Variants in PRKG1 observed in about 807,000 individuals in gnomAD.
The protein encoded by PRKG1 is protein kinase cGMP-dependent 1, also known as cGMP-dependent protein kinase 1.
In PRKG1, 35 loss-of-function variants were observed where a neutral mutation model predicts 88.1. The observed-to-expected ratio is 0.40, with a 90% confidence interval of 0.30 to 0.53. PRKG1 has a LOEUF of 0.53. PRKG1 is among the 20% of genes least tolerant of loss of function. The pLI is 0.59. For synonymous variants in PRKG1, 303 were observed against 292.5 expected (o/e 1.04, Z -0.37); for missense variants, 540 against 839.8 (o/e 0.64, Z 4.41).
At chr10:52,126,238 C>T (rs940385943) in intron 7 of PRKG1, among the ~76,000 whole-genome samples, 4 of 151,978 alleles carry the variant, frequency 2.6e-5, no homozygotes, top group Non-Finnish European at 5.9e-5. Flanking sequence ...TCTGTCTCCA[C>T]TAGACTGCAA....
At chr10:51,280,745 T>G (rs577971665) in intron 2 of PRKG1, among the ~76,000 whole-genome samples, 1 of 152,336 alleles carries the variant, frequency 6.6e-6, no homozygotes, top group East Asian at 1.9e-4. Context: ...TCTACACTGG[T>G]TATTCTAGTT....
intron 1 of PRKG1, among the ~76,000 whole-genome samples, chr10:51,003,343 G>A (rs866667056): frequency 6.6e-6 from 1 of 152,306 alleles, no homozygotes. Context: ...TTTGAAGCAT[G>A]CTACATTGAA....
chr10:52,032,887 AGT>A (rs1251975841), intron 5 of PRKG1, among the ~76,000 whole-genome samples: 4 of 152,126 alleles, frequency 2.6e-5, no homozygotes, highest in African/African-American at 9.7e-5. Context: ...TCTTTTTAGT[AGT>A]GTGTGTCTGC....
At chr10:51,070,691 G>T (rs971403069), upstream of PRKG1, among the ~76,000 whole-genome samples, 9 of 152,152 alleles carry the variant, frequency 5.9e-5, no homozygotes, top group Non-Finnish European at 1.2e-4. Flanking sequence ...TATTGGAATA[G>T]CTCATTAAAT....
intron 4 of PRKG1, among the ~76,000 whole-genome samples, chr10:51,856,401 G>T (rs1840680436): frequency 6.6e-6 from 1 of 152,156 alleles, no homozygotes; most frequent in Non-Finnish European, 1.5e-5. Flanking sequence ...ACAAATATTT[G>T]TTGCTATTCA....
At chr10:51,331,079 A>C (rs1412294273) in intron 2 of PRKG1, among the ~76,000 whole-genome samples, 1 of 152,144 alleles carries the variant, frequency 6.6e-6, no homozygotes, top group Admixed American at 6.6e-5. Flanking sequence ...TCATTCAAAA[A>C]GCCTGTGGCT....
intron 3 of PRKG1, among the ~76,000 whole-genome samples, chr10:51,726,815 C>T (rs547546507): frequency 1.1e-3 from 172 of 152,226 alleles, no homozygotes; most frequent in Non-Finnish European, 1.5e-3. Flanking sequence ...CTCGCTCTGT[C>T]GCCCAGGCTG....
At chr10:51,031,420 A>G (rs1202232275) in intron 1 of PRKG1, among the ~76,000 whole-genome samples, 1 of 152,174 alleles carries the variant, frequency 6.6e-6, no homozygotes, top group African/African-American at 2.4e-5. Context: ...AGACAAAGAG[A>G]TGGCAGCTTC....
intron 1 of PRKG1, among the ~76,000 whole-genome samples, chr10:51,104,842 G>T (rs1046102051): frequency 6.6e-6 from 1 of 151,344 alleles, no homozygotes; most frequent in Non-Finnish European, 1.5e-5. Context: ...TGATTCTCCT[G>T]CCTCAGCCTC....
chr10:51,488,483 G>A (rs572576801), intron 3 of PRKG1, among the ~76,000 whole-genome samples: 2 of 152,162 alleles, frequency 1.3e-5, no homozygotes, highest in South Asian at 4.2e-4. Flanking sequence ...AATATAATTG[G>A]AATGGAAATA....
intron 2 of PRKG1, among the ~76,000 whole-genome samples, chr10:51,194,232 T>G (rs1174610042): frequency 6.6e-6 from 1 of 151,968 alleles, no homozygotes; most frequent in African/African-American, 2.4e-5. Context: ...CAACTTTTTT[T>G]TTAGTTTTTT....
chr10:51,108,890 C>A (rs946669546), intron 1 of PRKG1, among the ~76,000 whole-genome samples: 4 of 151,968 alleles, frequency 2.6e-5, no homozygotes, highest in African/African-American at 9.7e-5. Context: ...AGAAAAGCTA[C>A]TAGAACTGGG....
chr10:51,178,666 T>C (rs935058135), intron 2 of PRKG1, among the ~76,000 whole-genome samples: 1 of 152,122 alleles, frequency 6.6e-6, no homozygotes, highest in Non-Finnish European at 1.5e-5. Flanking sequence ...TAAATGTAAA[T>C]ATCCCAAATC....
At chr10:51,142,814 A>G (rs1029544875) in intron 1 of PRKG1, among the ~76,000 whole-genome samples, 1 of 152,110 alleles carries the variant, frequency 6.6e-6, no homozygotes, top group Non-Finnish European at 1.5e-5. Flanking sequence ...ATGTAGATAA[A>G]AGTCATATTA....
chr10:52,268,262 C>T (rs1012661573), intron 10 of PRKG1, among the ~76,000 whole-genome samples: 10 of 152,106 alleles, frequency 6.6e-5, no homozygotes, highest in African/African-American at 2.4e-4. Flanking sequence ...GTTCTATAAA[C>T]TTTTTGTAAT....
chr10:52,044,513 A>C (rs1203531225), intron 5 of PRKG1, among the ~76,000 whole-genome samples: 6 of 152,176 alleles, frequency 3.9e-5, no homozygotes, highest in African/African-American at 7.2e-5. Context: ...AGAAGCCAAG[A>C]TACTTCATTG....
intron 3 of PRKG1, among the ~76,000 whole-genome samples, chr10:51,641,110 G>C (rs892771749): frequency 6.6e-6 from 1 of 152,022 alleles, no homozygotes; most frequent in Non-Finnish European, 1.5e-5. Context: ...TGCAAAATGA[G>C]TGAATTAAAC....
At chr10:51,440,451 A>G (rs549965916) in intron 2 of PRKG1, among the ~76,000 whole-genome samples, 3 of 152,070 alleles carry the variant, frequency 2.0e-5, no homozygotes, top group South Asian at 2.1e-4. Context: ...AAAAATCACA[A>G]TTCTTTTGTC....
chr10:51,630,720 G>A (rs373430116), intron 3 of PRKG1, among the ~76,000 whole-genome samples: 9 of 152,250 alleles, frequency 5.9e-5, no homozygotes, highest in South Asian at 2.1e-4. Context: ...TCATCAAATC[G>A]TCTAGTTATG....
Sources: gnomAD v4.1 joint callset for allele counts (sites outside exome capture counted in the v4.1 genomes callset) on GRCh38, gnomAD v4.1.1 for gene constraint, MANE v1.5 for transcripts, NCBI Gene and HGNC (gene_info 2026-07-23, HGNC 2026-07-21) for gene names.